Variants in ADAMTSL1 observed in about 807,000 individuals in gnomAD.
ADAMTSL1 encodes ADAMTS like 1.
ADAMTSL1 carries 126 observed loss-of-function variants against 201.8 expected under a neutral mutation model. That is an observed-to-expected ratio of 0.62 (90% confidence interval 0.54 to 0.72). The LOEUF is 0.72. Among genes scored for constraint, ADAMTSL1 ranks in the 30% least tolerant of loss-of-function variants. ADAMTSL1 has a pLI of 0.00. For synonymous variants in ADAMTSL1, 1,121 were observed against 903.4 expected (o/e 1.24, Z -4.32); for missense variants, 2,679 against 2,277.8 (o/e 1.18, Z -3.59).
intron 2 of ADAMTSL1, among the ~76,000 whole-genome samples, chr9:18,210,467 T>C (rs1333905752): frequency 6.8e-6 from 1 of 147,034 alleles, no homozygotes; most frequent in African/African-American, 2.5e-5. Context: ...ATATATTAAT[T>C]ATATATGATA....
At chr9:18,035,425 T>G (rs549156108) in intron 1 of ADAMTSL1, among the ~76,000 whole-genome samples, 1 of 152,254 alleles carries the variant, frequency 6.6e-6, no homozygotes, top group South Asian at 2.1e-4. Context: ...ATTGCGATGG[T>G]GAGGAGATAT....
At chr9:18,876,758 C>T (rs1407989523) in intron 23 of ADAMTSL1, among the ~76,000 whole-genome samples, 1 of 152,086 alleles carries the variant, frequency 6.6e-6, no homozygotes, top group African/African-American at 2.4e-5. Context: ...CAATTAATTT[C>T]CTGGGTGTTC....
intron 2 of ADAMTSL1, among the ~76,000 whole-genome samples, chr9:18,246,088 C>T (rs1459734044): frequency 2.0e-5 from 3 of 152,234 alleles, no homozygotes; most frequent in Non-Finnish European, 4.4e-5. Flanking sequence ...GACACAGATT[C>T]TGCCCTTGGG....
intron 23 of ADAMTSL1, among the ~76,000 whole-genome samples, chr9:18,869,258 C>T (rs1468149274): frequency 1.3e-5 from 2 of 152,228 alleles, no homozygotes; most frequent in African/African-American, 4.8e-5. Context: ...GCCTCCAGAA[C>T]TATCAGACAA....
chr9:18,814,717 G>T (rs1823724273), intron 20 of ADAMTSL1, among the ~76,000 whole-genome samples: 1 of 152,120 alleles, frequency 6.6e-6, no homozygotes, highest in Non-Finnish European at 1.5e-5. Context: ...AACAACAGAT[G>T]CTAGGGCCTG....
chr9:18,512,132 T>C (rs111712654), intron 2 of ADAMTSL1, among the ~76,000 whole-genome samples: 3,257 of 152,308 alleles, frequency 0.021, 120 homozygotes, highest in African/African-American at 0.073. Context: ...TTTTGGAACA[T>C]ATGCTTAAGA....
At chr9:18,143,841 A>G (rs1826508042) in intron 1 of ADAMTSL1, among the ~76,000 whole-genome samples, 3 of 152,220 alleles carry the variant, frequency 2.0e-5, no homozygotes. Context: ...ACAAAGCCAC[A>G]TTTCCTTCAC....
At chr9:18,305,655 A>G (rs957281300) in intron 2 of ADAMTSL1, among the ~76,000 whole-genome samples, 1 of 152,234 alleles carries the variant, frequency 6.6e-6, no homozygotes, top group Non-Finnish European at 1.5e-5. Flanking sequence ...CTACCTGTCT[A>G]GATTCCTCCT....
intron 14 of ADAMTSL1, among the ~76,000 whole-genome samples, chr9:18,709,759 A>T (rs1335124485): frequency 6.6e-6 from 1 of 152,144 alleles, no homozygotes; most frequent in Non-Finnish European, 1.5e-5. Context: ...AAGGAAAACA[A>T]CTCTGAGCCT....
intron 1 of ADAMTSL1, among the ~76,000 whole-genome samples, chr9:18,029,748 G>C (rs575011687): frequency 6.6e-6 from 1 of 152,290 alleles, no homozygotes; most frequent in South Asian, 2.1e-4. Context: ...GATATGAATA[G>C]ACACTTCTCA....
intron 1 of ADAMTSL1, among the ~76,000 whole-genome samples, chr9:17,914,501 A>T (rs1254888675): frequency 6.6e-6 from 1 of 152,200 alleles, no homozygotes; most frequent in Non-Finnish European, 1.5e-5. Context: ...TCAATAAATT[A>T]GGTGTTGATG....
intron 5 of ADAMTSL1, among the ~76,000 whole-genome samples, chr9:18,624,552 G>C (rs764799161): frequency 2.6e-5 from 4 of 152,196 alleles, no homozygotes; most frequent in Non-Finnish European, 5.9e-5. Context: ...CATGTGTGCA[G>C]TGATGGCTGT....
chr9:17,979,305 A>G (rs1818588411), intron 1 of ADAMTSL1, among the ~76,000 whole-genome samples: 2 of 151,738 alleles, frequency 1.3e-5, no homozygotes, highest in African/African-American at 2.4e-5. Context: ...TTTAATGCAC[A>G]TATTTGTTCT....
At chr9:18,633,907 T>TA (rs5896791) in intron 5 of ADAMTSL1, among the ~76,000 whole-genome samples, 218 of 150,220 alleles carry the variant, frequency 1.5e-3, no homozygotes, top group Non-Finnish European at 2.5e-3. Flanking sequence ...AAACACTATT[T>TA]AAAAAAAAAA....
intron 1 of ADAMTSL1, among the ~76,000 whole-genome samples, chr9:17,997,909 T>G (rs1397835050): frequency 6.6e-6 from 1 of 152,094 alleles, no homozygotes; most frequent in Admixed American, 6.6e-5. Context: ...TCTCTTCTGC[T>G]GAAAATGCTA....
intron 23 of ADAMTSL1, among the ~76,000 whole-genome samples, chr9:18,872,036 T>C (rs1827898061): frequency 6.6e-6 from 1 of 152,198 alleles, no homozygotes; most frequent in Admixed American, 6.6e-5. Context: ...CAGTAGTTTT[T>C]ACTCCCAGCC....
At chr9:17,927,696 A>G (rs1826608765) in intron 1 of ADAMTSL1, among the ~76,000 whole-genome samples, 2 of 152,076 alleles carry the variant, frequency 1.3e-5, no homozygotes, top group Admixed American at 1.3e-4. Flanking sequence ...TGTATTAGGT[A>G]TTATAAGTAA....
intron 2 of ADAMTSL1, among the ~76,000 whole-genome samples, chr9:18,373,496 G>T (rs1729055541): frequency 6.6e-6 from 1 of 152,080 alleles, no homozygotes; most frequent in Non-Finnish European, 1.5e-5. Flanking sequence ...TCTGGATGCA[G>T]ATTGGTTTGG....
chr9:18,779,462 G>A (rs564496435), intron 19 of ADAMTSL1, among the ~76,000 whole-genome samples: 2 of 152,086 alleles, frequency 1.3e-5, no homozygotes, highest in Admixed American at 1.3e-4. Context: ...CCTCAAGATC[G>A]TAGGAACTAG....
Sources: allele counts gnomAD v4.1 joint callset (sites outside exome capture counted in the v4.1 genomes callset), GRCh38; gene constraint gnomAD v4.1.1; transcripts MANE v1.5; gene names NCBI Gene and HGNC (gene_info 2026-07-23, HGNC 2026-07-21).